The following RGS6 variants were observed in gnomAD, a reference collection of about 807,000 sequenced individuals.
The protein encoded by RGS6 is regulator of G protein signaling 6, also known as regulator of G-protein signaling 6.
RGS6 carries 30 observed loss-of-function variants against 78.5 expected under a neutral mutation model. The observed-to-expected ratio is 0.38, with a 90% CI of 0.29 to 0.52. RGS6 has a LOEUF of 0.52. RGS6 is among the 20% of genes least tolerant of loss of function. The pLI is 0.85. For synonymous variants in RGS6, 206 were observed against 206.0 expected (o/e 1.00, Z 0.00); for missense variants, 495 against 609.7 (o/e 0.81, Z 1.98).
At chr14:72,606,541 G>A in the RGS6 span, among the ~76,000 whole-genome samples, 21 of 152,046 alleles carry the variant, frequency 1.4e-4, no homozygotes, top group Non-Finnish European at 2.4e-4. Context: ...CCTAGGTCTC[G>A]CCACCTCACT....
chr14:72,060,873 A>G lies in RGS6; in HGVS notation c.84+95998A>G, dbSNP rs967724172. Among the ~76,000 whole-genome samples the G allele has an allele frequency of 2.6e-5, 4 of 152,174 alleles. 1 individual carries two copies. In the South Asian group the frequency reaches 6.2e-4, roughly 24 times the overall value. On this transcript the variant is annotated intron_variant, in intron 2 of 17. Transcript: ENST00000553525. ...ACTTTCTCCTTCATTTCTTCTTTCC[A>G]GAGATTTTTGGGTCTATCCATTGGT...
chr14:71,896,010 G>A, the RGS6 span, among the ~76,000 whole-genome samples: 1 of 152,032 alleles, frequency 6.6e-6, no homozygotes, highest in Non-Finnish European at 1.5e-5. Flanking sequence ...GGGAGCCCAG[G>A]GGTGCAGTCC....
At chr14:72,626,685 G>A in the RGS6 span, among the ~76,000 whole-genome samples, 1 of 152,080 alleles carries the variant, frequency 6.6e-6, no homozygotes, top group African/African-American at 2.4e-5. Context: ...TATCTTCAAG[G>A]TAGATTCCTG....
chr14:71,970,273 A>G (rs2093727172), intron 2 of RGS6, among the ~76,000 whole-genome samples: 1 of 152,190 alleles, frequency 6.6e-6, no homozygotes, highest in South Asian at 2.1e-4. Context: ...GTATATCAAC[A>G]GGTTAGTTGC....
chr14:71,969,751 T>G (rs2093699919), intron 2 of RGS6, among the ~76,000 whole-genome samples: 1 of 152,226 alleles, frequency 6.6e-6, no homozygotes, highest in African/African-American at 2.4e-5. Context: ...ATAAATAAAA[T>G]GTAATACTTT....
chr14:72,030,794 G>A (rs1377655983), intron 2 of RGS6, among the ~76,000 whole-genome samples: 1 of 152,136 alleles, frequency 6.6e-6, no homozygotes. Flanking sequence ...GTTCCCTGGG[G>A]AATAGGCTTT....
intron 7 of RGS6, among the ~76,000 whole-genome samples, chr14:72,466,789 TC>T (rs2095926827): frequency 6.6e-6 from 1 of 152,214 alleles, no homozygotes; most frequent in South Asian, 2.1e-4. Context: ...GTTGTATGAA[TC>T]TATACATGTG....
At chr14:72,164,412 C>A (rs1480054417) in intron 2 of RGS6, among the ~76,000 whole-genome samples, 1 of 152,114 alleles carries the variant, frequency 6.6e-6, no homozygotes, top group African/African-American at 2.4e-5. Context: ...CCCTGCCTGG[C>A]CAGCCATGAG....
chr14:71,889,555 T>C, the RGS6 span, among the ~76,000 whole-genome samples: 1 of 152,228 alleles, frequency 6.6e-6, no homozygotes, highest in African/African-American at 2.4e-5. Context: ...TAAGGACACT[T>C]CACTGAGTGG....
At chr14:72,432,858 G>A (rs2094712021) in intron 3 of RGS6, among the ~76,000 whole-genome samples, 1 of 152,166 alleles carries the variant, frequency 6.6e-6, no homozygotes, top group African/African-American at 2.4e-5. Flanking sequence ...GAAATATTTA[G>A]TCAAATTCTA....
rs1305207246 is a variant in RGS6, at chr14:72,562,525, G to A, written c.*58G>A. Reference sequence around the variant, plus strand: ...GCGGACCCCACAGGCAGGCGGCGGCGCTCCACATCTGCGGACAGAGTTTCC... The same window carrying A: ...GCGGACCCCACAGGCAGGCGGCGGCACTCCACATCTGCGGACAGAGTTTCC... On this transcript the variant is annotated 3_prime_UTR_variant, in exon 18 of 18. Transcript: ENST00000553525. The A allele has an allele frequency of 1.6e-5, 25 of 1,603,098 alleles. No homozygotes were observed. The highest frequency in any genetic ancestry group is 4.0e-5 in the African/African-American group (3 of 74,810).
intron 3 of RGS6, among the ~76,000 whole-genome samples, chr14:72,368,397 C>G (rs1596339078): frequency 6.6e-6 from 1 of 152,140 alleles, no homozygotes; most frequent in Admixed American, 6.5e-5. Flanking sequence ...GATCCCATCT[C>G]TTAATATTGT....
At chr14:72,428,637 T>C (rs1437149456) in intron 3 of RGS6, among the ~76,000 whole-genome samples, 1 of 152,218 alleles carries the variant, frequency 6.6e-6, no homozygotes, top group East Asian at 1.9e-4. Context: ...TGATGGCTCC[T>C]GTAGCCTCTG....
chr14:72,410,066 T>C (rs1384367988), intron 3 of RGS6, among the ~76,000 whole-genome samples: 3 of 152,370 alleles, frequency 2.0e-5, no homozygotes, highest in South Asian at 4.1e-4. Flanking sequence ...TATAATCCTT[T>C]GAGTATATAC....
At chr14:71,868,527 C>T in the RGS6 span, among the ~76,000 whole-genome samples, 1,266 of 152,282 alleles carry the variant, frequency 8.3e-3, 10 homozygotes, top group Middle Eastern at 0.024. Context: ...TACTGTTTTA[C>T]ATCAATGGTA....
intron 1 of RGS6, among the ~76,000 whole-genome samples, chr14:71,955,012 A>G (rs72735923): frequency 0.14 from 20,589 of 152,194 alleles, 1,716 homozygotes; most frequent in East Asian, 0.2. Flanking sequence ...GTGTTGGGTC[A>G]TAGGAACTGA....
chr14:72,170,424 C>T lies in RGS6; in HGVS notation c.85-181671C>T, dbSNP rs1305092959. On this transcript the variant is annotated intron_variant, in intron 2 of 17. Coordinates refer to ENST00000553525, the MANE Select transcript of RGS6 (RefSeq NM_001204424.2). Reference sequence around the variant, plus strand: ...ACTTTTTTGTCTTTTTCTTCTTCAACGGCCTCCTTCACTTTTCAGTAGCAG... The same window carrying T: ...ACTTTTTTGTCTTTTTCTTCTTCAATGGCCTCCTTCACTTTTCAGTAGCAG... Among the ~76,000 whole-genome samples, 11 of 152,154 alleles carry T rather than the reference C, an allele frequency of 7.2e-5. 1 individual carries two copies. The highest frequency in any genetic ancestry group is 1.9e-4 in the East Asian group (1 of 5,188).
At chr14:72,622,402 T>A in the RGS6 span, among the ~76,000 whole-genome samples, 1 of 152,126 alleles carries the variant, frequency 6.6e-6, no homozygotes, top group African/African-American at 2.4e-5. Flanking sequence ...AGAGCCAGCA[T>A]AAGCTACAGG....
chr14:72,398,006 T>A (rs571728182), intron 3 of RGS6, among the ~76,000 whole-genome samples: 20 of 152,194 alleles, frequency 1.3e-4, no homozygotes, highest in African/African-American at 2.6e-4. Flanking sequence ...ATTGGTCTAA[T>A]ATTCTCTTTT....
Sources: allele counts gnomAD v4.1 joint callset (sites outside exome capture counted in the v4.1 genomes callset), GRCh38; gene constraint gnomAD v4.1.1; transcripts MANE v1.5; gene names NCBI Gene and HGNC (gene_info 2026-07-23, HGNC 2026-07-21).